GRID2: variants seen among roughly 807,000 people sequenced by gnomAD.
GRID2 encodes glutamate ionotropic receptor delta type subunit 2.
In GRID2, 33 loss-of-function variants were observed where a neutral mutation model predicts 114.8. The observed-to-expected ratio is 0.29, with a 90% CI of 0.22 to 0.38. The LOEUF (loss-of-function observed/expected upper bound fraction) is 0.38, where lower values mean the gene tolerates loss of function less well. GRID2 is among the 10% of genes least tolerant of loss of function. GRID2 has a pLI of 1.00. For missense variants in GRID2, 1,184 were observed against 1,257.7 expected, an observed-to-expected ratio of 0.94 and a Z score of 0.89; for synonymous variants, 505 against 449.9, an observed-to-expected ratio of 1.12 and a Z score of -1.55.
chr4:93,153,925 C>A (rs2149400126), intron 4 of GRID2, among the ~76,000 whole-genome samples: 1 of 152,134 alleles, frequency 6.6e-6, no homozygotes, highest in African/African-American at 2.4e-5. Context: ...TATCCACAGG[C>A]ACAATGTTGT....
chr4:93,637,994 T>A (rs1039464543), intron 14 of GRID2, among the ~76,000 whole-genome samples: 2 of 152,128 alleles, frequency 1.3e-5, no homozygotes. Flanking sequence ...GAATTATTAC[T>A]AAGATAAAAA....
In GRID2 at chr4:92,530,055, T is replaced by TC. The variant is rs543844223; in HGVS notation, c.89-60076_89-60075insC. On this transcript the variant is annotated intron_variant, in intron 1 of 15. Transcript: ENST00000282020. ...AAGAGAAGGATAAGAAGGGTTTTTT[T>TC]TTTTTGAATAAATAAGAAGATCAAG... is the stretch of plus-strand genomic sequence containing the variant. 9.2e-5 allele frequency among the ~76,000 whole-genome samples: 14 copies of TC among 151,962 alleles called. No individual in the cohort carries two copies. The South Asian group carries it at 2.9e-3, about 32-fold the overall frequency.
chr4:93,455,636 T>C, intron 10 of GRID2, 26 bp from the exon 11 acceptor site: 2 of 1,508,912 alleles, frequency 1.3e-6, no homozygotes, highest in Non-Finnish European at 1.8e-6. Context: ...ACTGTTAATG[T>C]ATTCCTTTCT....
chr4:93,439,450 AT>A (rs907985568), intron 10 of GRID2, among the ~76,000 whole-genome samples: 2 of 152,084 alleles, frequency 1.3e-5, no homozygotes, highest in African/African-American at 4.8e-5. Flanking sequence ...GGCTATAGGC[AT>A]TTTGATTTTG....
chr4:93,676,650 T>A (rs965741267), intron 14 of GRID2, among the ~76,000 whole-genome samples: 8 of 151,578 alleles, frequency 5.3e-5, no homozygotes, highest in African/African-American at 1.7e-4. Flanking sequence ...CCTGTGTCCA[T>A]GTGTTCTCAT....
intron 13 of GRID2, among the ~76,000 whole-genome samples, chr4:93,590,534 G>A (rs1738127938): frequency 6.6e-6 from 1 of 151,472 alleles, no homozygotes; most frequent in African/African-American, 2.4e-5. Context: ...ACTTGGCGAT[G>A]CGGGCTCTTT....
At chr4:92,885,950 G>GT (rs959244452) in intron 2 of GRID2, among the ~76,000 whole-genome samples, 2 of 152,016 alleles carry the variant, frequency 1.3e-5, no homozygotes, top group Non-Finnish European at 2.9e-5. Context: ...CTATTTCTTT[G>GT]TTTTTTAAGA....
chr4:92,522,089 G>T (rs144378634), intron 1 of GRID2, among the ~76,000 whole-genome samples: 1 of 151,948 alleles, frequency 6.6e-6, no homozygotes, highest in Admixed American at 6.6e-5. Context: ...GTAGGGGCTG[G>T]TGGCAGTATT....
intron 1 of GRID2, among the ~76,000 whole-genome samples, chr4:92,362,926 A>G (rs1336774759): frequency 2.0e-5 from 3 of 152,090 alleles, no homozygotes; most frequent in Non-Finnish European, 4.4e-5. Context: ...TTTACAGTCA[A>G]TATTCAAAGT....
intron 2 of GRID2, among the ~76,000 whole-genome samples, chr4:92,632,415 C>T (rs868399935): frequency 4.4e-4 from 67 of 152,186 alleles, no homozygotes; most frequent in Middle Eastern, 6.8e-3. Flanking sequence ...AAGCATGTCA[C>T]TTGAGGCCTG....
At chr4:93,295,818 T>G (rs1309266220) in intron 8 of GRID2, among the ~76,000 whole-genome samples, 1 of 152,132 alleles carries the variant, frequency 6.6e-6, no homozygotes, top group Non-Finnish European at 1.5e-5. Flanking sequence ...TGGGACTATA[T>G]CCTAGTTGAT....
chr4:92,521,015 A>G (rs1724744875), intron 1 of GRID2, among the ~76,000 whole-genome samples: 1 of 151,986 alleles, frequency 6.6e-6, no homozygotes, highest in Non-Finnish European at 1.5e-5. Context: ...CATTATAACA[A>G]TTACCGTTCA....
rs1491444056 is a variant in GRID2, at chr4:93,169,183, C to CAA, written c.736-38219_736-38218dup. Among the ~76,000 whole-genome samples, 17 of 145,424 alleles carry CAA rather than the reference C, an allele frequency of 1.2e-4. 1 individual carries two copies. The highest frequency in any genetic ancestry group is 4.1e-4 in the African/African-American group (16 of 38,998). Reference sequence around the variant, plus strand: ...ACACACACACACACACACACACACACAAACTTAAAATAGGCTAAGTGTAAA... The same window carrying CAA: ...ACACACACACACACACACACACACACAAAAACTTAAAATAGGCTAAGTGTAAA... On this transcript the variant is annotated intron_variant, in intron 4 of 15. Transcript: ENST00000282020.
chr4:93,746,108 A>T (rs1470136417), intron 14 of GRID2, among the ~76,000 whole-genome samples: 1 of 152,116 alleles, frequency 6.6e-6, no homozygotes. Flanking sequence ...ATATTCTAAA[A>T]GTTAATTTTT....
At chr4:92,849,912 T>C (rs923893503) in intron 2 of GRID2, among the ~76,000 whole-genome samples, 1 of 151,652 alleles carries the variant, frequency 6.6e-6, no homozygotes, top group African/African-American at 2.4e-5. Flanking sequence ...GTAAATTTAA[T>C]TGCAAGAAGT....
chr4:93,588,862 G>T (rs1300332342), intron 13 of GRID2, among the ~76,000 whole-genome samples: 1 of 152,042 alleles, frequency 6.6e-6, no homozygotes, highest in Non-Finnish European at 1.5e-5. Context: ...CACTGGACCT[G>T]CTTTCCAGCT....
chr4:93,196,964 G>A (rs1741564059), intron 4 of GRID2, among the ~76,000 whole-genome samples: 1 of 152,108 alleles, frequency 6.6e-6, no homozygotes, highest in South Asian at 2.1e-4. Flanking sequence ...AACCAGTGTA[G>A]CAAATTTCTC....
At chr4:93,553,166 T>A (rs1005133809) in intron 13 of GRID2, among the ~76,000 whole-genome samples, 1 of 152,190 alleles carries the variant, frequency 6.6e-6, no homozygotes, top group Non-Finnish European at 1.5e-5. Flanking sequence ...GATTCCTGAG[T>A]CAAGTGGTAC....
At chr4:92,490,356 C>A (rs1219805516) in intron 1 of GRID2, among the ~76,000 whole-genome samples, 1 of 152,048 alleles carries the variant, frequency 6.6e-6, no homozygotes, top group African/African-American at 2.4e-5. Context: ...ACCTGGAATG[C>A]CAGTTTTCTT....
Sources: allele counts gnomAD v4.1 joint callset (sites outside exome capture counted in the v4.1 genomes callset), GRCh38; gene constraint gnomAD v4.1.1; transcripts MANE v1.5; gene names NCBI Gene and HGNC (gene_info 2026-07-23, HGNC 2026-07-21).